DPP6: variants seen among roughly 807,000 people sequenced by gnomAD.
DPP6 encodes A-type potassium channel modulatory protein DPP6.
DPP6 carries 69 observed loss-of-function variants against 122.6 expected under a neutral mutation model. The observed-to-expected ratio is 0.56, with a 90% CI of 0.46 to 0.69. The LOEUF (loss-of-function observed/expected upper bound fraction) is 0.69, where lower values mean the gene tolerates loss of function less well. Ranked by LOEUF, DPP6 falls within the 30% of genes least tolerant of loss-of-function variation. The probability of loss-of-function intolerance (pLI) is 0.00; values close to 1 mark genes in which losing one functional copy is unlikely to be tolerated. For synonymous variants in DPP6, 418 were observed against 433.1 expected (o/e 0.97, Z 0.43); for missense variants, 928 against 1,116.9 (o/e 0.83, Z 2.41).
chr7:154,259,159 G>A (rs1406438419), intron 1 of DPP6, among the ~76,000 whole-genome samples: 1 of 152,206 alleles, frequency 6.6e-6, no homozygotes, highest in Non-Finnish European at 1.5e-5. Flanking sequence ...TTCCTGGGCT[G>A]CAAGCAGTTT....
intron 10 of DPP6, among the ~76,000 whole-genome samples, chr7:154,785,220 G>A (rs981517554): frequency 4.6e-5 from 7 of 152,136 alleles, no homozygotes; most frequent in Admixed American, 2.6e-4. Flanking sequence ...TAATATGGAA[G>A]AGTCTATAGT....
At chr7:153,753,863 A>C in the DPP6 span, among the ~76,000 whole-genome samples, 3,060 of 152,262 alleles carry the variant, frequency 0.02, 40 homozygotes, top group Non-Finnish European at 0.028. Flanking sequence ...TGTGGCAAGA[A>C]GTCAATCCTT....
At chr7:154,319,855 G>T (rs1807775711) in intron 1 of DPP6, among the ~76,000 whole-genome samples, 1 of 151,856 alleles carries the variant, frequency 6.6e-6, no homozygotes, top group Admixed American at 6.6e-5. Context: ...GCTGGGCATG[G>T]TGGTGGGTGC....
intron 1 of DPP6, chr7:154,305,534 G>T: frequency 6.2e-7 from 1 of 1,604,156 alleles, no homozygotes; most frequent in African/African-American, 1.3e-5. Flanking sequence ...GGGGAAATCC[G>T]TGCAGCAGCA....
At chr7:154,444,869 G>C (rs1819717255) in intron 1 of DPP6, among the ~76,000 whole-genome samples, 2 of 152,214 alleles carry the variant, frequency 1.3e-5, no homozygotes, top group Non-Finnish European at 2.9e-5. Flanking sequence ...TAGCTGTTTT[G>C]TTGCTCACGG....
chr7:154,078,807 G>A (rs1406251762), intron 1 of DPP6, among the ~76,000 whole-genome samples: 4 of 151,904 alleles, frequency 2.6e-5, no homozygotes, highest in African/African-American at 9.7e-5. Context: ...CTTTAATTTT[G>A]GAGAAACAAA....
the DPP6 span, among the ~76,000 whole-genome samples, chr7:153,846,774 G>A: frequency 1.4e-5 from 2 of 139,614 alleles, no homozygotes; most frequent in African/African-American, 5.5e-5. Context: ...CTTACTGCAA[G>A]CTCCGCCTCC....
In DPP6 at chr7:154,843,241, G is replaced by A. The variant is rs371168690; in HGVS notation, c.1667-10539G>A. Among the ~76,000 whole-genome samples the A allele has an allele frequency of 9.2e-5, 14 of 152,322 alleles. No individual in the cohort carries two copies. The South Asian group carries it at 1.9e-3, about 20-fold the overall frequency. On this transcript the variant is annotated intron_variant, in intron 16 of 25. Coordinates refer to ENST00000377770, the MANE Select transcript of DPP6 (RefSeq NM_130797.4). The stretch of plus-strand genomic sequence containing the variant: ...CACTTGAGCCCGGGAAGTAGAGGTT[G>A]CAGTGAGCCCAGATAGTGCCAATGT...
At chr7:154,759,222 C>T (rs117487101) in intron 8 of DPP6, among the ~76,000 whole-genome samples, 1 of 152,232 alleles carries the variant, frequency 6.6e-6, no homozygotes, top group Non-Finnish European at 1.5e-5. Context: ...GAAGTGTGCA[C>T]TCCGGCTCAC....
chr7:154,235,369 C>G (rs944928331), intron 1 of DPP6, among the ~76,000 whole-genome samples: 2 of 152,218 alleles, frequency 1.3e-5, no homozygotes, highest in African/African-American at 4.8e-5. Flanking sequence ...TTTCTATTGT[C>G]AAATAACGAC....
rs553384535 is a variant in DPP6 at position 154,718,387 on chromosome 7, T to C, written c.763-9380T>C. ...CTTGTTGTTTTATAACTTTGGGTCTTATGGCTAAGTCTTTAAACCATTTTG... is the reference window on the plus strand; with the variant it reads ...CTTGTTGTTTTATAACTTTGGGTCTCATGGCTAAGTCTTTAAACCATTTTG... On this transcript the variant is annotated intron_variant, in intron 7 of 25. Transcript: ENST00000377770. Among the ~76,000 whole-genome samples the C allele has an allele frequency of 1.3e-3, 201 of 152,332 alleles. 1 individual carries two copies. The highest frequency in any genetic ancestry group is 4.6e-3 in the African/African-American group (193 of 41,576).
rs141045902 is a variant in DPP6 at position 154,830,821 on chromosome 7, C to T, written c.1667-22959C>T. Among the ~76,000 whole-genome samples the T allele has an allele frequency of 1.2e-3, 190 of 152,356 alleles. 2 individuals are homozygous for T. Among genetic ancestry groups the T allele is most frequent in the African/African-American group, 3.9e-3 (163 of 41,586 alleles). On this transcript the variant is annotated intron_variant, in intron 16 of 25. Coordinates refer to ENST00000377770, the MANE Select transcript of DPP6 (RefSeq NM_130797.4). ...AGAGGAAGCATTTGCATTTCTACCC[C>T]TCAGATAACTGCTGCTGCCCAGTTC... is the stretch of plus-strand genomic sequence containing the variant.
At chr7:154,725,008 G>A (rs150732674) in intron 7 of DPP6, among the ~76,000 whole-genome samples, 203 of 152,232 alleles carry the variant, frequency 1.3e-3, no homozygotes, top group African/African-American at 4.6e-3. Context: ...GCCTGAGTTA[G>A]GCAGCTCTGT....
At chr7:154,773,783 C>T (rs1796401147) in intron 10 of DPP6, among the ~76,000 whole-genome samples, 1 of 152,138 alleles carries the variant, frequency 6.6e-6, no homozygotes, top group Non-Finnish European at 1.5e-5. Context: ...ATTCAAAGCT[C>T]CATATTACTA....
intron 5 of DPP6, among the ~76,000 whole-genome samples, chr7:154,615,340 A>G (rs968587228): frequency 1.3e-5 from 2 of 152,174 alleles, no homozygotes; most frequent in Non-Finnish European, 2.9e-5. Context: ...CCATGAACTC[A>G]TGCTTCATAG....
intron 8 of DPP6, among the ~76,000 whole-genome samples, chr7:154,757,190 C>G (rs887750687): frequency 6.6e-6 from 1 of 151,470 alleles, no homozygotes; most frequent in Non-Finnish European, 1.5e-5. Context: ...CCATCCCTCA[C>G]GTTCCCTGAG....
At chr7:153,871,834 T>C in the DPP6 span, among the ~76,000 whole-genome samples, 1 of 152,216 alleles carries the variant, frequency 6.6e-6, no homozygotes, top group Non-Finnish European at 1.5e-5. Context: ...TAGAGAGTCA[T>C]TATTCCATGG....
At chr7:154,225,615 G>A (rs1800549430) in intron 1 of DPP6, among the ~76,000 whole-genome samples, 1 of 152,106 alleles carries the variant, frequency 6.6e-6, no homozygotes, top group African/African-American at 2.4e-5. Flanking sequence ...CTCTGTGACA[G>A]GCTTTGAGCA....
At chr7:154,708,396 C>T (rs761771337) in intron 7 of DPP6, among the ~76,000 whole-genome samples, 1 of 152,198 alleles carries the variant, frequency 6.6e-6, no homozygotes, top group Non-Finnish European at 1.5e-5. Context: ...GGTGAGCACA[C>T]TGCATTCTTA....
Sources: gnomAD v4.1 joint callset for allele counts (sites outside exome capture counted in the v4.1 genomes callset) on GRCh38, gnomAD v4.1.1 for gene constraint, MANE v1.5 for transcripts, NCBI Gene and HGNC (gene_info 2026-07-23, HGNC 2026-07-21) for gene names.